Variants in MECOM observed in about 807,000 individuals in gnomAD.
The protein encoded by MECOM is histone-lysine N-methyltransferase MECOM.
Under a neutral mutation model 116.3 loss-of-function variants are expected in MECOM, and 13 were observed. That is an observed-to-expected ratio of 0.11 (90% CI 0.07 to 0.18). MECOM has a LOEUF of 0.18. Ranked by LOEUF, MECOM falls within the 10% of genes least tolerant of loss-of-function variation. MECOM has a pLI of 1.00. For synonymous variants in MECOM, 528 were observed against 535.2 expected (o/e 0.99, Z 0.19); for missense variants, 1,299 against 1,509.0 (o/e 0.86, Z 2.31).
intron 1 of MECOM, among the ~76,000 whole-genome samples, chr3:169,625,779 G>A (rs1771293367): frequency 6.6e-6 from 1 of 152,122 alleles, no homozygotes; most frequent in Non-Finnish European, 1.5e-5. Flanking sequence ...AAAATATTTG[G>A]CAATGTGAGC....
intron 1 of MECOM, among the ~76,000 whole-genome samples, chr3:169,411,544 C>T (rs776370658): frequency 8.5e-5 from 13 of 152,174 alleles, no homozygotes; most frequent in South Asian, 4.1e-4. Flanking sequence ...GGTTTCCTGA[C>T]GTCCGCACTC....
intron 2 of MECOM, among the ~76,000 whole-genome samples, chr3:169,305,502 C>T (rs550486730): frequency 6.6e-6 from 1 of 152,098 alleles, no homozygotes; most frequent in Non-Finnish European, 1.5e-5. Flanking sequence ...AAAAAAAGAA[C>T]AAACATGGAG....
At position 169,172,407 on chromosome 3, in the gene MECOM, ATGTGTG is replaced by A. The variant is rs5854312; in HGVS notation, c.376-28581_376-28576del. Reference sequence around the variant, plus strand: ...CATTTACTTCCGCAGGTACCCTTGTATGTGTGTGTGTGTGTGTGTGTGTGTGTGTGT... The same window carrying A: ...CATTTACTTCCGCAGGTACCCTTGTATGTGTGTGTGTGTGTGTGTGTGTGT... On this transcript the variant is annotated intron_variant, in intron 2 of 16. Coordinates refer to ENST00000651503, the MANE Select transcript of MECOM (RefSeq NM_004991.4). Among the ~76,000 whole-genome samples, 222 of 144,458 alleles carry A rather than the reference ATGTGTG, an allele frequency of 1.5e-3. 2 individuals are homozygous for A. Among genetic ancestry groups the A allele is most frequent in the Middle Eastern group, 7.0e-3 (2 of 286 alleles). The allele number at this position is 144,458 out of a possible 152,430, so 94.8% of individuals were successfully genotyped here. A position where few individuals can be genotyped will look rare whatever the true frequency, so the allele number is the denominator to read the frequency against.
chr3:169,104,960 G>T (rs13327022), intron 10 of MECOM, among the ~76,000 whole-genome samples: 95,910 of 151,966 alleles, frequency 0.63, 30,443 homozygotes, highest in Admixed American at 0.68. Context: ...AAGAATAAGG[G>T]TTACGCAAGT....
chr3:169,392,704 T>A (rs1734406955), intron 1 of MECOM, among the ~76,000 whole-genome samples: 1 of 152,096 alleles, frequency 6.6e-6, no homozygotes, highest in South Asian at 2.1e-4. Flanking sequence ...AAGAGTTGAG[T>A]ATAAGTAATT....
intron 1 of MECOM, among the ~76,000 whole-genome samples, chr3:169,511,486 G>T (rs895048856): frequency 1.3e-5 from 2 of 152,194 alleles, no homozygotes; most frequent in Admixed American, 6.5e-5. Context: ...TTTAGGCCAG[G>T]TGCAGTGGCT....
At chr3:169,120,264 T>C (rs1168821156) in intron 7 of MECOM, among the ~76,000 whole-genome samples, 1 of 152,176 alleles carries the variant, frequency 6.6e-6, no homozygotes, top group African/African-American at 2.4e-5. Flanking sequence ...ATTTTACTTA[T>C]AAAATGTTTG....
chr3:169,148,205 G>A (rs1051016244), intron 2 of MECOM, among the ~76,000 whole-genome samples: 2 of 152,122 alleles, frequency 1.3e-5, no homozygotes, highest in African/African-American at 2.4e-5. Context: ...ATTGATGACT[G>A]TCTGGTGAGT....
chr3:169,148,033 T>A (rs1032753644), intron 2 of MECOM, among the ~76,000 whole-genome samples: 20 of 152,174 alleles, frequency 1.3e-4, no homozygotes, highest in Non-Finnish European at 2.2e-4. Flanking sequence ...AAAATTTTTT[T>A]AATTGAAACT....
intron 2 of MECOM, among the ~76,000 whole-genome samples, chr3:169,326,235 G>A (rs958011841): frequency 2.6e-5 from 4 of 151,992 alleles, no homozygotes; most frequent in African/African-American, 9.7e-5. Context: ...AAACAACACA[G>A]GCAAAACATT....
At chr3:169,214,180 CT>C (rs960454589) in intron 2 of MECOM, among the ~76,000 whole-genome samples, 36 of 151,322 alleles carry the variant, frequency 2.4e-4, no homozygotes, top group Admixed American at 5.3e-4. Context: ...TAAAAGCCAA[CT>C]TTTTTTTTAA....
chr3:169,249,066 T>C (rs1268135728), intron 2 of MECOM, among the ~76,000 whole-genome samples: 1 of 152,220 alleles, frequency 6.6e-6, no homozygotes, highest in African/African-American at 2.4e-5. Flanking sequence ...CTACAGTATA[T>C]TGTATTTATT....
At chr3:169,244,255 C>T (rs755827756) in intron 2 of MECOM, among the ~76,000 whole-genome samples, 45 of 152,216 alleles carry the variant, frequency 3.0e-4, no homozygotes, top group Non-Finnish European at 3.1e-4. Context: ...TTTCACAGCT[C>T]TGGAGTAATA....
At chr3:169,468,579 C>A (rs1035351922) in intron 1 of MECOM, among the ~76,000 whole-genome samples, 5 of 152,154 alleles carry the variant, frequency 3.3e-5, no homozygotes, top group African/African-American at 1.2e-4. Flanking sequence ...GATCAGTTTT[C>A]TCACCTGCAA....
At chr3:169,198,651 G>A (rs914243422) in intron 2 of MECOM, among the ~76,000 whole-genome samples, 6 of 151,594 alleles carry the variant, frequency 4.0e-5, no homozygotes, top group African/African-American at 1.5e-4. Flanking sequence ...CTTTTTTGCT[G>A]ATTCAAGTTG....
chr3:169,394,160 C>T (rs1312026285), intron 1 of MECOM, among the ~76,000 whole-genome samples: 1 of 152,070 alleles, frequency 6.6e-6, no homozygotes, highest in African/African-American at 2.4e-5. Flanking sequence ...ATACTCATCA[C>T]CACTATTAAA....
intron 1 of MECOM, among the ~76,000 whole-genome samples, chr3:169,540,210 C>A (rs1262976485): frequency 6.6e-6 from 1 of 152,164 alleles, no homozygotes; most frequent in Non-Finnish European, 1.5e-5. Flanking sequence ...TCTCCAATTC[C>A]TCTTCTGCTG....
chr3:169,518,071 AACATGGTGAT>A (rs1374923746), intron 1 of MECOM, among the ~76,000 whole-genome samples: 7 of 152,174 alleles, frequency 4.6e-5, no homozygotes, highest in Admixed American at 4.6e-4. Flanking sequence ...CATCCTGGCT[AACATGGTGAT>A]ACCCCGTCTT....
At chr3:169,200,884 A>G (rs1035764062) in intron 2 of MECOM, among the ~76,000 whole-genome samples, 3 of 151,986 alleles carry the variant, frequency 2.0e-5, no homozygotes, top group Admixed American at 6.6e-5. Context: ...TTCAAATTGT[A>G]TATGTGATAA....
Sources: gnomAD v4.1 joint callset for allele counts (sites outside exome capture counted in the v4.1 genomes callset) on GRCh38, gnomAD v4.1.1 for gene constraint, MANE v1.5 for transcripts, NCBI Gene and HGNC (gene_info 2026-07-23, HGNC 2026-07-21) for gene names.